FRMD4B: variants seen among roughly 807,000 people sequenced by gnomAD.
The protein encoded by FRMD4B is FERM domain-containing protein 4B.
A neutral mutation model predicts 141.5 loss-of-function variants in FRMD4B; 74 were observed. The ratio of observed to expected loss-of-function variants is 0.52; its 90% CI spans 0.43 to 0.63. FRMD4B has a LOEUF of 0.63. Among genes scored for constraint, FRMD4B ranks in the 30% least tolerant of loss-of-function variants. FRMD4B has a pLI of 0.00. For missense variants in FRMD4B, 1,366 were observed against 1,253.4 expected (o/e 1.09, Z -1.36); for synonymous variants, 506 against 467.9 (o/e 1.08, Z -1.05).
intron 17 of FRMD4B, among the ~76,000 whole-genome samples, chr3:69,193,082 A>G (rs2092857998): frequency 1.3e-5 from 2 of 151,516 alleles, no homozygotes; most frequent in Non-Finnish European, 2.9e-5. Flanking sequence ...CAGCCTCCCA[A>G]AGTGCTGGGA....
chr3:69,343,375 CTT>C (rs1055553425), intron 1 of FRMD4B, among the ~76,000 whole-genome samples: 1 of 152,170 alleles, frequency 6.6e-6, no homozygotes, highest in Non-Finnish European at 1.5e-5. Flanking sequence ...CACTTCCTCT[CTT>C]TGTCCGTTAG....
intron 2 of FRMD4B, among the ~76,000 whole-genome samples, chr3:69,397,823 C>T (rs1339196268): frequency 6.6e-6 from 1 of 152,030 alleles, no homozygotes; most frequent in African/African-American, 2.4e-5. Flanking sequence ...TGTAAATACA[C>T]AGAAATCCAT....
chr3:69,284,921 G>A lies in FRMD4B; in HGVS notation c.501+2831C>T, dbSNP rs368338193. Reference sequence around the variant, plus strand: ...CATGCCTGTAAATCCCAGCACTTTGGGAGGCTGAGGTGGGAGGATCACCTG... The same window carrying A: ...CATGCCTGTAAATCCCAGCACTTTGAGAGGCTGAGGTGGGAGGATCACCTG... On this transcript the variant is annotated intron_variant, in intron 5 of 22. Coordinates refer to ENST00000398540, the MANE Select transcript of FRMD4B (RefSeq NM_015123.3). Among the ~76,000 whole-genome samples the A allele has an allele frequency of 2.6e-5, 4 of 152,198 alleles. No homozygotes were observed. In the East Asian group the frequency reaches 7.7e-4, roughly 29 times the overall value.
intron 1 of FRMD4B, among the ~76,000 whole-genome samples, chr3:69,483,037 G>A (rs1559541584): frequency 6.6e-6 from 1 of 152,148 alleles, no homozygotes; most frequent in Non-Finnish European, 1.5e-5. Context: ...TTTAGGCTAG[G>A]AATATCGGTC....
At chr3:69,336,847 G>A (rs1025701771) in intron 1 of FRMD4B, among the ~76,000 whole-genome samples, 34 of 152,166 alleles carry the variant, frequency 2.2e-4, no homozygotes, top group Admixed American at 4.6e-4. Flanking sequence ...TGGAGGCTGA[G>A]GCAGGAGAAT....
intron 1 of FRMD4B, among the ~76,000 whole-genome samples, chr3:69,333,130 C>T (rs1246084478): frequency 6.6e-6 from 1 of 152,024 alleles, no homozygotes; most frequent in Non-Finnish European, 1.5e-5. Context: ...TTGGCTGCCT[C>T]GATGGCTCAG....
At chr3:69,437,913 A>ATATATAT (rs1302776285) in intron 1 of FRMD4B, among the ~76,000 whole-genome samples, 2 of 135,938 alleles carry the variant, frequency 1.5e-5, no homozygotes, top group East Asian at 2.1e-4. Context: ...TTATTGTATA[A>ATATATAT]TATATATTAT....
chr3:69,330,624 C>T (rs545239826), intron 1 of FRMD4B, among the ~76,000 whole-genome samples: 48 of 151,670 alleles, frequency 3.2e-4, no homozygotes, highest in South Asian at 6.2e-4. Flanking sequence ...GGATTACAGA[C>T]GTGAGCCACT....
At chr3:69,271,503 C>T (rs1237740121) in intron 5 of FRMD4B, among the ~76,000 whole-genome samples, 2 of 152,118 alleles carry the variant, frequency 1.3e-5, no homozygotes, top group African/African-American at 2.4e-5. Context: ...TTAAAGATGA[C>T]AGGTATAACG....
At chr3:69,438,516 G>A (rs1705295127) in intron 1 of FRMD4B, among the ~76,000 whole-genome samples, 1 of 152,178 alleles carries the variant, frequency 6.6e-6, no homozygotes, top group Admixed American at 6.5e-5. Context: ...GACATCACTT[G>A]AATGTGTCAT....
chr3:69,185,807 C>T (rs112750011), intron 19 of FRMD4B, among the ~76,000 whole-genome samples: 5,431 of 151,974 alleles, frequency 0.036, 266 homozygotes, highest in African/African-American at 0.11. Flanking sequence ...TTTGGGAGGC[C>T]GAAGTGGGCG....
At chr3:69,281,246 T>G (rs2093643286) in intron 5 of FRMD4B, among the ~76,000 whole-genome samples, 1 of 152,156 alleles carries the variant, frequency 6.6e-6, no homozygotes, top group African/African-American at 2.4e-5. Flanking sequence ...GAAATTTTCC[T>G]CTTAACATAT....
intron 1 of FRMD4B, chr3:69,323,015 T>A: frequency 1.0e-6 from 1 of 977,780 alleles, no homozygotes; most frequent in Non-Finnish European, 1.2e-6. Flanking sequence ...CTCCTGTACA[T>A]CTCTTGCAGG....
At chr3:69,348,158 T>C (rs375196216) in intron 1 of FRMD4B, among the ~76,000 whole-genome samples, 5 of 152,134 alleles carry the variant, frequency 3.3e-5, no homozygotes, top group East Asian at 1.9e-4. Context: ...GATATCACCA[T>C]CGATCCCACA....
intron 7 of FRMD4B, 128 bp from the exon 8 acceptor site, chr3:69,224,818 A>G (rs985207914): frequency 4.9e-6 from 3 of 610,084 alleles, no homozygotes; most frequent in Non-Finnish European, 8.8e-6. Flanking sequence ...ACACATGGTT[A>G]TGGACTCTAA....
chr3:69,467,077 A>G (rs1246045792), intron 1 of FRMD4B, among the ~76,000 whole-genome samples: 1 of 152,124 alleles, frequency 6.6e-6, no homozygotes, highest in Non-Finnish European at 1.5e-5. Context: ...AAGCCAGAAC[A>G]TGCTTATTTG....
At chr3:69,463,428 C>G (rs1705734341) in intron 1 of FRMD4B, among the ~76,000 whole-genome samples, 1 of 152,116 alleles carries the variant, frequency 6.6e-6, no homozygotes, top group South Asian at 2.1e-4. Flanking sequence ...CAGGGTAGAC[C>G]AAAATAATTA....
At chr3:69,500,405 T>C (rs974594437) in intron 1 of FRMD4B, among the ~76,000 whole-genome samples, 3 of 152,168 alleles carry the variant, frequency 2.0e-5, no homozygotes, top group African/African-American at 7.2e-5. Flanking sequence ...CTCATTGCAT[T>C]GAGTGGGTCA....
chr3:69,202,375 A>G (rs971766682), intron 11 of FRMD4B, among the ~76,000 whole-genome samples: 3 of 151,972 alleles, frequency 2.0e-5, no homozygotes, highest in Non-Finnish European at 4.4e-5. Flanking sequence ...GTGTGTGTGT[A>G]TATATAAAAT....
Sources: gnomAD v4.1 joint callset for allele counts (sites outside exome capture counted in the v4.1 genomes callset) on GRCh38, gnomAD v4.1.1 for gene constraint, MANE v1.5 for transcripts, NCBI Gene and HGNC (gene_info 2026-07-23, HGNC 2026-07-21) for gene names.